Variants in BBX observed in about 807,000 individuals in gnomAD.
BBX encodes BBX high mobility group box domain containing, also known as HMG box transcription factor BBX.
Under a neutral mutation model 100.2 loss-of-function variants are expected in BBX, and 30 were observed. The observed-to-expected ratio is 0.30, with a 90% CI of 0.22 to 0.41. The LOEUF (loss-of-function observed/expected upper bound fraction) is 0.41, where lower values mean the gene tolerates loss of function less well. BBX is among the 10% of genes least tolerant of loss of function. BBX has a pLI of 1.00. For synonymous variants in BBX, 376 were observed against 388.1 expected, an observed-to-expected ratio of 0.97 and a Z score of 0.37; for missense variants, 1,023 against 1,129.8, an observed-to-expected ratio of 0.91 and a Z score of 1.35.
chr3:107,753,245 T>C (rs2065210220), intron 9 of BBX, among the ~76,000 whole-genome samples: 2 of 152,168 alleles, frequency 1.3e-5, no homozygotes, highest in African/African-American at 4.8e-5. Context: ...CCATGGAAAT[T>C]AACGTATGCC....
At chr3:107,527,125 A>G (rs559861414) in intron 2 of BBX, among the ~76,000 whole-genome samples, 4 of 152,322 alleles carry the variant, frequency 2.6e-5, no homozygotes, top group South Asian at 2.1e-4. Context: ...AAAATTTGTG[A>G]GAGGTAACAG....
intron 2 of BBX, among the ~76,000 whole-genome samples, chr3:107,559,552 A>G (rs1468798996): frequency 6.6e-6 from 1 of 152,168 alleles, no homozygotes; most frequent in Admixed American, 6.5e-5. Flanking sequence ...TGGAGCATGC[A>G]GTTAGGCAAG....
intron 2 of BBX, among the ~76,000 whole-genome samples, chr3:107,542,655 T>C (rs2048940924): frequency 6.6e-6 from 1 of 152,170 alleles, no homozygotes; most frequent in South Asian, 2.1e-4. Context: ...ACCTGTGAAG[T>C]AGGAACTATT....
intron 2 of BBX, among the ~76,000 whole-genome samples, chr3:107,562,715 T>C (rs1197658230): frequency 6.6e-6 from 1 of 152,142 alleles, no homozygotes; most frequent in Non-Finnish European, 1.5e-5. Flanking sequence ...AAAATAAAGC[T>C]CTAAACCAGG....
At chr3:107,781,775 TC>T (rs1249354752) in intron 13 of BBX, among the ~76,000 whole-genome samples, 5 of 152,162 alleles carry the variant, frequency 3.3e-5, no homozygotes, top group Admixed American at 1.3e-4. Flanking sequence ...TTTACATAGT[TC>T]CTTGGCCTAT....
At chr3:107,545,534 T>C (rs1209515847) in intron 2 of BBX, among the ~76,000 whole-genome samples, 1 of 152,238 alleles carries the variant, frequency 6.6e-6, no homozygotes, top group Non-Finnish European at 1.5e-5. Context: ...GTTTTCAGAA[T>C]GTGCTTGTAT....
chr3:107,531,890 T>C (rs543058283), intron 2 of BBX, among the ~76,000 whole-genome samples: 27 of 152,292 alleles, frequency 1.8e-4, no homozygotes, highest in African/African-American at 4.8e-4. Flanking sequence ...TATTAGAATG[T>C]CTTAGAGTAT....
intron 3 of BBX, among the ~76,000 whole-genome samples, chr3:107,660,335 A>G (rs1024568629): frequency 3.9e-5 from 6 of 152,052 alleles, no homozygotes; most frequent in African/African-American, 1.4e-4. Flanking sequence ...GGTTTGCAAT[A>G]CTTGGGTGGC....
chr3:107,700,800 A>G (rs1310309917), intron 3 of BBX, among the ~76,000 whole-genome samples: 3 of 151,696 alleles, frequency 2.0e-5, no homozygotes, highest in Admixed American at 6.5e-5. Flanking sequence ...GTAGTATTCT[A>G]TGGTGTATAT....
At chr3:107,562,476 A>C (rs888535340) in intron 2 of BBX, among the ~76,000 whole-genome samples, 10 of 152,166 alleles carry the variant, frequency 6.6e-5, no homozygotes, top group Admixed American at 2.0e-4. Flanking sequence ...ATAAGTAATA[A>C]AAATCTTGGA....
intron 2 of BBX, among the ~76,000 whole-genome samples, chr3:107,545,656 T>G (rs895754670): frequency 6.6e-6 from 1 of 152,216 alleles, no homozygotes. Context: ...AGTTATTTTC[T>G]TAACAAGAGC....
At position 107,806,462 on chromosome 3, in the gene BBX, G is replaced by T. The variant is rs932117812; in HGVS notation, c.*1005G>T. ...CTACAGACCTTTTACATCCATCACA[G>T]ATTGGCTGGACGGGTTGCAATTGCT... On this transcript the variant is annotated 3_prime_UTR_variant, in exon 18 of 18. Transcript: ENST00000325805. 1 of 152,212 alleles carries T rather than the reference G, an allele frequency of 6.6e-6. No homozygotes were observed. 9.4% of individuals were successfully genotyped at this position (152,212 alleles called of 1,614,324 possible). A position where few individuals can be genotyped will look rare whatever the true frequency, so the allele number is the denominator to read the frequency against.
intron 3 of BBX, among the ~76,000 whole-genome samples, chr3:107,651,869 A>G (rs932855014): frequency 2.3e-4 from 34 of 150,798 alleles, no homozygotes; most frequent in African/African-American, 8.0e-4. Context: ...TGTTGTTGTT[A>G]TTTTGTTTTG....
chr3:107,761,134 AC>A (rs2065868172), intron 10 of BBX, among the ~76,000 whole-genome samples: 1 of 152,080 alleles, frequency 6.6e-6, no homozygotes, highest in Non-Finnish European at 1.5e-5. Flanking sequence ...GGGGATTGTG[AC>A]TTACACATAA....
Position 107,805,669 on chromosome 3 carries a change from C to A in BBX, c.*212C>A. ...AATCTTTGAGGGTAAGGTTATCTGT[C>A]TGATACTGAGCAGAAACAGAATGAT... On this transcript the variant is annotated 3_prime_UTR_variant, in exon 18 of 18. Coordinates refer to ENST00000325805, the MANE Select transcript of BBX (RefSeq NM_001142568.3). 1.2e-6 allele frequency: 1 copy of A among 836,388 alleles called. No homozygotes were observed. The highest frequency in any genetic ancestry group is 1.8e-6 in the Non-Finnish European group (1 of 557,812). The allele number at this position is 836,388 out of a possible 1,614,324, so 51.8% of individuals were successfully genotyped here.
Position 107,538,930 on chromosome 3 carries a change from G to A in BBX, c.-84+12532G>A, listed in dbSNP as rs778668810. Among the ~76,000 whole-genome samples the A allele has an allele frequency of 4.5e-4, 68 of 152,048 alleles. 1 individual carries two copies. The highest frequency in any genetic ancestry group is 6.9e-4 in the Non-Finnish European group (47 of 67,990). ...TTCCAAGCTGGGACCACAGGAACATGCCACCACACCCAGCCAATTTTTATT... is the reference window on the plus strand; with the variant it reads ...TTCCAAGCTGGGACCACAGGAACATACCACCACACCCAGCCAATTTTTATT... On this transcript the variant is annotated intron_variant, in intron 2 of 17. Coordinates refer to ENST00000325805, the MANE Select transcript of BBX (RefSeq NM_001142568.3).
intron 3 of BBX, among the ~76,000 whole-genome samples, chr3:107,701,492 A>T (rs929468884): frequency 2.6e-5 from 4 of 152,248 alleles, no homozygotes; most frequent in African/African-American, 9.6e-5. Context: ...AAAATTTGTG[A>T]TGATGAAGCA....
intron 7 of BBX, among the ~76,000 whole-genome samples, chr3:107,735,646 G>A (rs559046940): frequency 2.6e-5 from 4 of 151,932 alleles, no homozygotes; most frequent in Non-Finnish European, 5.9e-5. Flanking sequence ...CATCTCTAGA[G>A]GGTAGAGAGG....
intron 2 of BBX, among the ~76,000 whole-genome samples, chr3:107,545,568 C>T (rs1439937638): frequency 1.3e-5 from 2 of 152,140 alleles, no homozygotes; most frequent in African/African-American, 4.8e-5. Flanking sequence ...GTGGTTTGGG[C>T]CACTGAAGAC....
Sources: allele counts gnomAD v4.1 joint callset (sites outside exome capture counted in the v4.1 genomes callset), GRCh38; gene constraint gnomAD v4.1.1; transcripts MANE v1.5; gene names NCBI Gene and HGNC (gene_info 2026-07-23, HGNC 2026-07-21).